The following SLC25A21 variants were observed in gnomAD, a reference collection of about 807,000 sequenced individuals.
SLC25A21 encodes the protein mitochondrial 2-oxodicarboxylate carrier.
Under a neutral mutation model 43.8 loss-of-function variants are expected in SLC25A21, and 47 were observed. The observed-to-expected ratio is 1.07, with a 90% CI of 0.85 to 1.37. The LOEUF (loss-of-function observed/expected upper bound fraction) is 1.37, where lower values mean the gene tolerates loss of function less well. Among genes scored for constraint, SLC25A21 ranks in the 40% most tolerant of loss-of-function variants. SLC25A21 has a pLI of 0.00. For missense variants in SLC25A21, 352 were observed against 350.2 expected (o/e 1.00, Z -0.04); for synonymous variants, 131 against 121.3 (o/e 1.08, Z -0.52).
At chr14:37,032,670 C>CAAACAAAAA (rs1961242324) in intron 1 of SLC25A21, among the ~76,000 whole-genome samples, 1 of 93,804 alleles carries the variant, frequency 1.1e-5, no homozygotes, top group Admixed American at 1.2e-4. Flanking sequence ...GACTCTGTCT[C>CAAACAAAAA]AAAAAAAAAA....
At chr14:36,871,443 G>C (rs1039918983) in intron 2 of SLC25A21, among the ~76,000 whole-genome samples, 2 of 152,140 alleles carry the variant, frequency 1.3e-5, no homozygotes, top group African/African-American at 4.8e-5. Context: ...ATAGAAGCCT[G>C]GACAGATGAA....
chr14:36,799,827 C>G (rs1016004508), intron 3 of SLC25A21, among the ~76,000 whole-genome samples: 1 of 152,138 alleles, frequency 6.6e-6, no homozygotes, highest in African/African-American at 2.4e-5. Context: ...CTTAGCAAAG[C>G]ACTCAGCACC....
intron 1 of SLC25A21, among the ~76,000 whole-genome samples, chr14:36,882,310 G>C (rs561281353): frequency 6.6e-6 from 1 of 152,310 alleles, no homozygotes; most frequent in South Asian, 2.1e-4. Flanking sequence ...TTGAACCTGG[G>C]AGGCAGTGGT....
chr14:37,035,497 G>A (rs1042275440), intron 1 of SLC25A21, among the ~76,000 whole-genome samples: 1 of 152,244 alleles, frequency 6.6e-6, no homozygotes, highest in Non-Finnish European at 1.5e-5. Context: ...AAGAGGTGAA[G>A]TGTCTCTTGT....
At chr14:36,923,276 T>G (rs1892031563) in intron 1 of SLC25A21, among the ~76,000 whole-genome samples, 1 of 152,096 alleles carries the variant, frequency 6.6e-6, no homozygotes, top group Non-Finnish European at 1.5e-5. Flanking sequence ...TATCAGAAAT[T>G]TTAAGCCAAA....
intron 1 of SLC25A21, among the ~76,000 whole-genome samples, chr14:36,879,926 G>GC (rs1366438693): frequency 1.3e-5 from 2 of 152,014 alleles, no homozygotes; most frequent in Non-Finnish European, 2.9e-5. Flanking sequence ...ACTCAGGAAT[G>GC]TTTTTCTTCC....
chr14:36,685,935 AC>A (rs1294996377), intron 7 of SLC25A21, among the ~76,000 whole-genome samples: 1 of 151,334 alleles, frequency 6.6e-6, no homozygotes, highest in Admixed American at 6.6e-5. Flanking sequence ...GCTGACTCCG[AC>A]CCCCCACCCT....
At chr14:36,680,915 T>C (rs1347367706) in intron 9 of SLC25A21, among the ~76,000 whole-genome samples, 196 bp from the exon 10 acceptor site, 1 of 152,160 alleles carries the variant, frequency 6.6e-6, no homozygotes, top group Non-Finnish European at 1.5e-5. Flanking sequence ...CCATCTTGAG[T>C]CTCCAAATAC....
At chr14:37,096,013 C>T (rs1045276659) in intron 1 of SLC25A21, among the ~76,000 whole-genome samples, 1 of 151,956 alleles carries the variant, frequency 6.6e-6, no homozygotes, top group African/African-American at 2.4e-5. Flanking sequence ...CAGACAAACC[C>T]AAAGTGAGAA....
chr14:37,015,311 G>A (rs1442008268), intron 1 of SLC25A21, among the ~76,000 whole-genome samples: 6 of 150,178 alleles, frequency 4.0e-5, no homozygotes, highest in African/African-American at 7.4e-5. Flanking sequence ...TTGTCCTTGT[G>A]ATAGTTTGCT....
At chr14:37,152,238 C>A (rs1963771064) in intron 1 of SLC25A21, among the ~76,000 whole-genome samples, 1 of 151,690 alleles carries the variant, frequency 6.6e-6, no homozygotes, top group South Asian at 2.1e-4. Context: ...CTAAAGATGA[C>A]AAAAAGAATG....
chr14:36,821,987 C>T (rs966882381), intron 2 of SLC25A21, among the ~76,000 whole-genome samples: 14 of 152,186 alleles, frequency 9.2e-5, no homozygotes, highest in Non-Finnish European at 1.0e-4. Context: ...ATTTACTGAG[C>T]TCCCCAACTG....
intron 3 of SLC25A21, among the ~76,000 whole-genome samples, chr14:36,783,358 CT>C (rs932119912): frequency 2.6e-5 from 4 of 152,048 alleles, no homozygotes; most frequent in Non-Finnish European, 4.4e-5. Flanking sequence ...AGCAAGCCCC[CT>C]GATAGATTCC....
chr14:36,835,118 T>G (rs538147409), intron 2 of SLC25A21, among the ~76,000 whole-genome samples: 22 of 152,328 alleles, frequency 1.4e-4, no homozygotes, highest in African/African-American at 5.3e-4. Flanking sequence ...TTAGAATGTA[T>G]TATTTCTAGA....
chr14:36,723,505 T>C (rs1219561946), intron 6 of SLC25A21, among the ~76,000 whole-genome samples: 1 of 152,210 alleles, frequency 6.6e-6, no homozygotes, highest in Non-Finnish European at 1.5e-5. Flanking sequence ...GCAAAAGAAA[T>C]GACCCCGAAC....
intron 1 of SLC25A21, among the ~76,000 whole-genome samples, chr14:37,018,901 CA>C: frequency 6.6e-6 from 1 of 151,634 alleles, no homozygotes; most frequent in Non-Finnish European, 1.5e-5. Flanking sequence ...GCTTAGGTTT[CA>C]AAAAAATGGT....
In SLC25A21 at chr14:36,680,624, A is replaced by C; in HGVS notation, c.*34T>G. 6.2e-7 allele frequency: 1 copy of C among 1,609,336 alleles called. No individual in the cohort carries two copies. Among genetic ancestry groups the C allele is most frequent in the Non-Finnish European group, 8.5e-7 (1 of 1,177,850 alleles). The stretch of plus-strand genomic sequence containing the variant: ...TCATGGTGCTGCATAGCAAATATCC[A>C]TTATCTCAAGGGGGAAAAACACTTC... On this transcript the variant is annotated 3_prime_UTR_variant, in exon 10 of 10. Transcript: ENST00000331299.
chr14:36,935,378 A>G (rs1387138722), intron 1 of SLC25A21, among the ~76,000 whole-genome samples: 2 of 152,172 alleles, frequency 1.3e-5, no homozygotes, highest in Non-Finnish European at 2.9e-5. Flanking sequence ...CCCTAGGCCC[A>G]AGTTTAATAT....
intron 3 of SLC25A21, among the ~76,000 whole-genome samples, chr14:36,795,493 A>C (rs924879166): frequency 2.0e-5 from 3 of 152,242 alleles, no homozygotes; most frequent in African/African-American, 7.2e-5. Context: ...AGTGTAAAAT[A>C]AAATGTCAAT....
Sources: gnomAD v4.1 joint callset for allele counts (sites outside exome capture counted in the v4.1 genomes callset) on GRCh38, gnomAD v4.1.1 for gene constraint, MANE v1.5 for transcripts, NCBI Gene and HGNC (gene_info 2026-07-23, HGNC 2026-07-21) for gene names.